OBI1: variants seen among roughly 807,000 people sequenced by gnomAD.
The protein encoded by OBI1 is ring finger protein 219.
In OBI1, 59 loss-of-function variants were observed where a neutral mutation model predicts 62.4. That is an observed-to-expected ratio of 0.95 (90% confidence interval 0.77 to 1.17). OBI1 has a LOEUF of 1.17. Among genes scored for constraint, OBI1 ranks in the 50% most tolerant of loss-of-function variants. OBI1 has a pLI of 0.00. For missense variants in OBI1, 875 were observed against 830.9 expected, an observed-to-expected ratio of 1.05 and a Z score of -0.65; for synonymous variants, 302 against 292.8, an observed-to-expected ratio of 1.03 and a Z score of -0.32.
chr13:78,620,157 T>C (rs1268752586), intron 5 of OBI1, among the ~76,000 whole-genome samples: 1 of 152,210 alleles, frequency 6.6e-6, no homozygotes, highest in African/African-American at 2.4e-5. Context: ...CCAAGATAAC[T>C]ATATTAAATT....
chr13:78,617,874 A>T (rs1359032227), intron 5 of OBI1, among the ~76,000 whole-genome samples: 1 of 152,150 alleles, frequency 6.6e-6, no homozygotes, highest in Non-Finnish European at 1.5e-5. Flanking sequence ...GAAAGAGAAC[A>T]TTTTGGAGAG....
chr13:78,637,738 A>G (rs1876072268), intron 4 of OBI1, among the ~76,000 whole-genome samples: 1 of 152,134 alleles, frequency 6.6e-6, no homozygotes, highest in Non-Finnish European at 1.5e-5. Context: ...CCTCCTACAC[A>G]CTTATAACAA....
chr13:78,618,668 C>T (rs900104854), intron 5 of OBI1, among the ~76,000 whole-genome samples: 1 of 152,118 alleles, frequency 6.6e-6, no homozygotes, highest in African/African-American at 2.4e-5. Flanking sequence ...ATTAACTGAA[C>T]CCCCAGAGAG....
chr13:78,622,097 A>C (rs1875529630), intron 5 of OBI1, among the ~76,000 whole-genome samples: 1 of 152,218 alleles, frequency 6.6e-6, no homozygotes. Context: ...ATAAGAGTTA[A>C]ATGTTTTGAC....
At chr13:78,648,774 T>A (rs4326933) in intron 1 of OBI1, among the ~76,000 whole-genome samples, 1 of 152,074 alleles carries the variant, frequency 6.6e-6, no homozygotes, top group Admixed American at 6.5e-5. Flanking sequence ...TTAGCAGGTC[T>A]TAGTGGCGTG....
In OBI1 at chr13:78,615,629, ATTTTTCT is replaced by A. The variant is rs1875242903; in HGVS notation, c.2125_2131del (p.Arg709SerfsTer54). Reference sequence around the variant, plus strand: ...GCTGGCACTGGAAAGGCTGCTCTGGATTTTTCTTTTTGTTGATTGATTCACATTTTTA... The same window carrying A: ...GCTGGCACTGGAAAGGCTGCTCTGGATTTTGTTGATTGATTCACATTTTTA... On this transcript the variant is annotated frameshift_variant, in exon 6 of 6. Coordinates refer to ENST00000282003, the MANE Select transcript of OBI1 (RefSeq NM_024546.4). LOFTEE classifies it high-confidence loss of function. The A allele has an allele frequency of 6.2e-7, 1 of 1,613,406 alleles. No individual in the cohort carries two copies. The highest frequency in any genetic ancestry group is 1.7e-5 in the Admixed American group (1 of 59,892).
chr13:78,625,175 ACATGC>A (rs879867464), intron 5 of OBI1, among the ~76,000 whole-genome samples: 18 of 152,242 alleles, frequency 1.2e-4, no homozygotes, highest in Non-Finnish European at 2.1e-4. Context: ...GAAAATTAAG[ACATGC>A]TATTTCATAT....
chr13:78,617,422 A>G (rs1414493975), intron 5 of OBI1: 4 of 268,894 alleles, frequency 1.5e-5, no homozygotes, highest in Admixed American at 9.4e-5. Context: ...TGGCTGTATC[A>G]ATTCAGCTCA....
chr13:78,624,254 T>C (rs560568874), intron 5 of OBI1, among the ~76,000 whole-genome samples: 1 of 152,266 alleles, frequency 6.6e-6, no homozygotes, highest in South Asian at 2.1e-4. Context: ...GTTCCAATAT[T>C]TGCAAGAATA....
At chr13:78,651,344 C>A (rs781671844) in intron 1 of OBI1, among the ~76,000 whole-genome samples, 17 of 152,314 alleles carry the variant, frequency 1.1e-4, no homozygotes, top group Non-Finnish European at 2.2e-4. Flanking sequence ...AGCTTTCACT[C>A]CTCTCCTACA....
intron 1 of OBI1, among the ~76,000 whole-genome samples, chr13:78,656,977 G>A (rs77360579): frequency 3.1e-4 from 47 of 151,780 alleles, no homozygotes; most frequent in Middle Eastern, 3.4e-3. Flanking sequence ...TAGCGATGGG[G>A]TTTCACCATA....
intron 1 of OBI1, among the ~76,000 whole-genome samples, chr13:78,649,169 C>T (rs1175385758): frequency 6.6e-6 from 1 of 152,008 alleles, no homozygotes; most frequent in Non-Finnish European, 1.5e-5. Flanking sequence ...GAGTCACTGC[C>T]ATAAAAGACA....
At chr13:78,627,529 T>C (rs1444278977) in intron 5 of OBI1, among the ~76,000 whole-genome samples, 1 of 152,168 alleles carries the variant, frequency 6.6e-6, no homozygotes, top group Non-Finnish European at 1.5e-5. Flanking sequence ...ATGTGATGTT[T>C]AGTTTTCTGT....
At chr13:78,654,437 G>C (rs1876637936) in intron 1 of OBI1, among the ~76,000 whole-genome samples, 1 of 151,970 alleles carries the variant, frequency 6.6e-6, no homozygotes, top group South Asian at 2.1e-4. Flanking sequence ...TCCACTCTTG[G>C]GAACTGAGAG....
chr13:78,651,121 A>G (rs922385044), intron 1 of OBI1, among the ~76,000 whole-genome samples: 2 of 152,192 alleles, frequency 1.3e-5, no homozygotes, highest in Non-Finnish European at 2.9e-5. Flanking sequence ...AAAAATGTAC[A>G]TCTCAGAATA....
intron 1 of OBI1, among the ~76,000 whole-genome samples, chr13:78,658,639 A>G (rs555778827): frequency 9.2e-5 from 14 of 152,226 alleles, no homozygotes; most frequent in Non-Finnish European, 1.9e-4. Flanking sequence ...AGGACTAAGA[A>G]GCCCGAGGTG....
intron 5 of OBI1, among the ~76,000 whole-genome samples, chr13:78,622,467 C>T (rs1875541812): frequency 6.6e-6 from 1 of 152,094 alleles, no homozygotes; most frequent in African/African-American, 2.4e-5. Flanking sequence ...AAAGAACTGC[C>T]ACTTAATCTG....
chr13:78,651,141 T>G (rs1160679629), intron 1 of OBI1, among the ~76,000 whole-genome samples: 2 of 152,192 alleles, frequency 1.3e-5, no homozygotes, highest in Admixed American at 1.3e-4. Context: ...AGTCAAAACA[T>G]GACAAATCTA....
rs143717055 is a variant in OBI1 at position 78,627,412 on chromosome 13, T to TA, written c.638+7697dup. 8.2e-3 allele frequency among the ~76,000 whole-genome samples: 1,207 copies of TA among 147,610 alleles called. 11 individuals are homozygous for TA. The highest frequency in any genetic ancestry group is 0.034 in the South Asian group (160 of 4,712). Reference sequence around the variant, plus strand: ...TTGCTGCACCTACTGACCCATCCTCTAAATTCCCTCCCCTCAGCCCCCACC... The same window carrying TA: ...TTGCTGCACCTACTGACCCATCCTCTAAAATTCCCTCCCCTCAGCCCCCACC... On this transcript the variant is annotated intron_variant, in intron 5 of 5. Coordinates refer to ENST00000282003, the MANE Select transcript of OBI1 (RefSeq NM_024546.4).
Sources: gnomAD v4.1 joint callset for allele counts (sites outside exome capture counted in the v4.1 genomes callset) on GRCh38, gnomAD v4.1.1 for gene constraint, MANE v1.5 for transcripts, NCBI Gene and HGNC (gene_info 2026-07-23, HGNC 2026-07-21) for gene names.